The following ATP13A3 variants were observed in gnomAD, a reference collection of about 807,000 sequenced individuals.
ATP13A3 encodes ATPase 13A3.
A neutral mutation model predicts 158.1 loss-of-function variants in ATP13A3; 59 were observed. That is an observed-to-expected ratio of 0.37 (90% CI 0.30 to 0.46). The LOEUF (loss-of-function observed/expected upper bound fraction) is 0.46. Among genes scored for constraint, ATP13A3 ranks in the 20% least tolerant of loss-of-function variants. ATP13A3 has a pLI of 1.00. For synonymous variants in ATP13A3, 491 were observed against 504.3 expected (o/e 0.97, Z 0.35); for missense variants, 1,166 against 1,525.2 (o/e 0.76, Z 3.92).
intron 15 of ATP13A3, among the ~76,000 whole-genome samples, chr3:194,443,941 C>T (rs775369335): frequency 5.3e-5 from 8 of 152,064 alleles, no homozygotes; most frequent in Non-Finnish European, 1.2e-4. Flanking sequence ...CAGAAGAATG[C>T]TAAATGACCC....
At position 194,410,324 on chromosome 3, in the gene ATP13A3, A is replaced by AC. The variant is rs1560066811; in HGVS notation, c.3573+1874_3573+1875insG. On this transcript the variant is annotated intron_variant, in intron 33 of 33. Transcript: ENST00000645319. ...AAAAAAAAAAAAAAAAAAAAAAAAA[A>AC]AAAAAAACTGCTGGGCCTGGGATGG... is the stretch of plus-strand genomic sequence containing the variant. Among the ~76,000 whole-genome samples, 158 of 145,900 alleles carry AC rather than the reference A, an allele frequency of 1.1e-3. 1 individual carries two copies. Among genetic ancestry groups the AC allele is most frequent in the African/African-American group, 3.8e-3 (146 of 38,240 alleles).
At chr3:194,433,091 C>A (rs947217888) in intron 21 of ATP13A3, among the ~76,000 whole-genome samples, 1 of 152,004 alleles carries the variant, frequency 6.6e-6, no homozygotes, top group Non-Finnish European at 1.5e-5. Flanking sequence ...ATACTCCTAA[C>A]CCTCAAGAAT....
chr3:194,471,143 T>G (rs1335208806), intron 2 of ATP13A3, among the ~76,000 whole-genome samples: 1 of 152,050 alleles, frequency 6.6e-6, no homozygotes, highest in Non-Finnish European at 1.5e-5. Flanking sequence ...AAGCACATCA[T>G]GGTGCTCTAT....
At chr3:194,421,417 G>A (rs947602552) in intron 30 of ATP13A3, among the ~76,000 whole-genome samples, 1 of 150,276 alleles carries the variant, frequency 6.7e-6, no homozygotes, top group Non-Finnish European at 1.5e-5. Context: ...GCCAGGCGTG[G>A]TGGCGGGTGC....
chr3:194,485,501 C>T (rs898744132), intron 2 of ATP13A3, among the ~76,000 whole-genome samples: 6 of 152,186 alleles, frequency 3.9e-5, no homozygotes, highest in Non-Finnish European at 8.8e-5. Context: ...GGAATCAAAT[C>T]GAAACACTTT....
rs150527222 is a variant in ATP13A3, at chr3:194,464,140, G to A, written c.-46-1904C>T. Among the ~76,000 whole-genome samples the A allele has an allele frequency of 5.2e-4, 79 of 152,330 alleles. 1 individual carries two copies. The East Asian group carries it at 0.012, about 23-fold the overall frequency. On this transcript the variant is annotated intron_variant, in intron 2 of 33. Coordinates refer to ENST00000645319, the MANE Select transcript of ATP13A3 (RefSeq NM_001367549.1). Reference sequence around the variant, plus strand: ...CACCTCACTGCACTCCAGCCTGGGCGACAGAGAAAGACTCCATCTCAAAAA... The same window carrying A: ...CACCTCACTGCACTCCAGCCTGGGCAACAGAGAAAGACTCCATCTCAAAAA...
At chr3:194,418,198 A>G (rs1716029522) in intron 31 of ATP13A3, among the ~76,000 whole-genome samples, 1 of 152,216 alleles carries the variant, frequency 6.6e-6, no homozygotes, top group Non-Finnish European at 1.5e-5. Flanking sequence ...TATACATAAA[A>G]TTAATTCCAG....
At chr3:194,461,358 T>C (rs1719648706) in intron 3 of ATP13A3, among the ~76,000 whole-genome samples, 1 of 152,240 alleles carries the variant, frequency 6.6e-6, no homozygotes, top group Non-Finnish European at 1.5e-5. Context: ...GTATTACTAT[T>C]AACTAAACTC....
intron 30 of ATP13A3, among the ~76,000 whole-genome samples, chr3:194,421,509 C>T (rs368506706): frequency 3.1e-4 from 45 of 143,680 alleles, no homozygotes; most frequent in African/African-American, 1.1e-3. Flanking sequence ...ACAGAGATCA[C>T]GCCACTCCAC....
In ATP13A3 at chr3:194,448,937, T is replaced by A. The variant is rs555603986; in HGVS notation, c.971-301A>T. Among the ~76,000 whole-genome samples, 1 of 152,132 alleles carries A rather than the reference T, an allele frequency of 6.6e-6. No homozygotes were observed. Among genetic ancestry groups the A allele is most frequent in the Admixed American group, 6.6e-5 (1 of 15,264 alleles). ...TTGCATTGTTCAGTTTCAAATAATT[T>A]CAAAAAAGATTAAGTAGTTGCTATA... On this transcript the variant is annotated intron_variant, in intron 11 of 33. Transcript: ENST00000645319. The surrounding 1 kb of genome is among the most constrained non-coding windows in gnomAD (Gnocchi z 4.0).
intron 2 of ATP13A3, among the ~76,000 whole-genome samples, chr3:194,462,699 A>C (rs1264303409): frequency 6.6e-6 from 1 of 152,182 alleles, no homozygotes; most frequent in Non-Finnish European, 1.5e-5. Flanking sequence ...AATTCTTCCA[A>C]AGTAGTGATG....
intron 2 of ATP13A3, among the ~76,000 whole-genome samples, chr3:194,481,236 A>C (rs1720736216): frequency 6.6e-6 from 1 of 151,998 alleles, no homozygotes; most frequent in Admixed American, 6.6e-5. Flanking sequence ...AAAAAAAAAA[A>C]CAGAGCAACA....
chr3:194,430,898 CAT>C lies in ATP13A3; in HGVS notation c.2624+43_2624+44del, dbSNP rs1253841035. 3 of 1,443,868 alleles carry C rather than the reference CAT, an allele frequency of 2.1e-6. No individual in the cohort carries two copies. The Admixed American group carries it at 6.2e-5, about 30-fold the overall frequency. The allele number at this position is 1,443,868 out of a possible 1,614,324, so 89.4% of individuals were successfully genotyped here. On this transcript the variant is annotated intron_variant, in intron 24 of 33. Transcript: ENST00000645319. ...TATTTTTCTGATGCTGAAATGAAAC[CAT>C]CATTCATCAAAAACCAAAACCAAAA...
chr3:194,433,691 A>G (rs942037930), intron 21 of ATP13A3, 81 bp downstream of exon 21: 76 of 1,536,992 alleles, frequency 4.9e-5, no homozygotes, highest in Non-Finnish European at 6.6e-5. Flanking sequence ...ATATGATTTT[A>G]TAACTGATTA....
intron 11 of ATP13A3, among the ~76,000 whole-genome samples, chr3:194,449,195 T>C (rs1198236630): frequency 1.3e-5 from 2 of 152,170 alleles, no homozygotes; most frequent in Non-Finnish European, 2.9e-5. Flanking sequence ...ATTAATTCTC[T>C]GCAGCATTCA....
At chr3:194,453,479 G>A (rs1320253262) in intron 10 of ATP13A3, among the ~76,000 whole-genome samples, 5 of 151,796 alleles carry the variant, frequency 3.3e-5, no homozygotes, top group Non-Finnish European at 5.9e-5. Context: ...TGCACCTGTA[G>A]TCCCAGCTAC....
chr3:194,444,795 CA>C lies in ATP13A3; in HGVS notation c.1498-10del. The C allele has an allele frequency of 6.3e-7, 1 of 1,584,026 alleles. No individual in the cohort carries two copies. The stretch of plus-strand genomic sequence containing the variant: ...TCAGTTAGAGTTCCAGTCTAAAAAA[CA>C]AAAAAGCACACATGCACAAAGTATG... On this transcript the variant is annotated splice_polypyrimidine_tract_variant and intron_variant, in intron 14 of 33. Transcript: ENST00000645319.
rs56119734 is a variant in ATP13A3, at chr3:194,417,396, GACACACACACACACACAC to G, written c.3402+2465_3402+2482del. Among the ~76,000 whole-genome samples the G allele has an allele frequency of 1.2e-3, 146 of 118,136 alleles. 2 individuals carry two copies. Among genetic ancestry groups the G allele is most frequent in the South Asian group, 0.011 (35 of 3,068 alleles). 77.5% of individuals were successfully genotyped at this position (118,136 alleles called of 152,430 possible). A position where few individuals can be genotyped will look rare whatever the true frequency, so the allele number is the denominator to read the frequency against. The stretch of plus-strand genomic sequence containing the variant: ...AGCCTGGGTACCAGAGCCAGATTCT[GACACACACACACACACAC>G]ACACACACACACACACACACACACA... On this transcript the variant is annotated intron_variant, in intron 31 of 33. Transcript: ENST00000645319.
At position 194,404,649 on chromosome 3, in the gene ATP13A3, A is replaced by T. The variant is rs529774658; in HGVS notation, c.*1270T>A. ...TTTAAAAGTTACCTTAATTTTGGCAAGAATTTAAATGTTAATCAGGCCAAA... is the reference window on the plus strand; with the variant it reads ...TTTAAAAGTTACCTTAATTTTGGCATGAATTTAAATGTTAATCAGGCCAAA... On this transcript the variant is annotated 3_prime_UTR_variant, in exon 34 of 34. Transcript: ENST00000645319. 1 of 152,378 alleles carries T rather than the reference A, an allele frequency of 6.6e-6. No individual in the cohort carries two copies. Among genetic ancestry groups the T allele is most frequent in the Non-Finnish European group, 1.5e-5 (1 of 68,042 alleles). The allele number at this position is 152,378 out of a possible 1,614,324, so 9.4% of individuals were successfully genotyped here.
Sources: gnomAD v4.1 joint callset for allele counts (sites outside exome capture counted in the v4.1 genomes callset) on GRCh38, gnomAD v4.1.1 for gene constraint, Gnocchi (gnomAD v3.1) non-coding constraint, MANE v1.5 for transcripts, NCBI Gene and HGNC (gene_info 2026-07-23, HGNC 2026-07-21) for gene names.